Variants in BBX observed in about 807,000 individuals in gnomAD.
BBX encodes the protein HMG box transcription factor BBX.
In BBX, 30 loss-of-function variants were observed where a neutral mutation model predicts 100.2. The ratio of observed to expected loss-of-function variants is 0.30; its 90% confidence interval spans 0.22 to 0.41. The LOEUF is 0.41. Among genes scored for constraint, BBX ranks in the 10% least tolerant of loss-of-function variants. The pLI, the probability that BBX is intolerant of heterozygous loss-of-function variation, is 1.00. For synonymous variants in BBX, 376 were observed against 388.1 expected (o/e 0.97, Z 0.37); for missense variants, 1,023 against 1,129.8 (o/e 0.91, Z 1.35).
intron 3 of BBX, among the ~76,000 whole-genome samples, chr3:107,698,597 A>C (rs2108164689): frequency 6.6e-6 from 1 of 151,186 alleles, no homozygotes; most frequent in East Asian, 1.9e-4. Flanking sequence ...GGTTGCAGTG[A>C]GCCGAGATTG....
chr3:107,687,239 G>A (rs2059898807), intron 3 of BBX, among the ~76,000 whole-genome samples: 1 of 151,952 alleles, frequency 6.6e-6, no homozygotes, highest in Non-Finnish European at 1.5e-5. Context: ...AATAATGGAG[G>A]GCAGTTTGCA....
chr3:107,584,664 G>A (rs1186516185), intron 2 of BBX, among the ~76,000 whole-genome samples: 3 of 96,376 alleles, frequency 3.1e-5, no homozygotes, highest in Admixed American at 1.1e-4. Context: ...TGATTTTTCC[G>A]TTGAAATCTT....
At chr3:107,708,449 G>A (rs1022199240) in intron 3 of BBX, among the ~76,000 whole-genome samples, 4 of 152,154 alleles carry the variant, frequency 2.6e-5, no homozygotes, top group Admixed American at 2.0e-4. Context: ...GCTGAGGTGG[G>A]CAGATCACAA....
chr3:107,556,501 C>G (rs901011103), intron 2 of BBX, among the ~76,000 whole-genome samples: 1 of 152,072 alleles, frequency 6.6e-6, no homozygotes, highest in Non-Finnish European at 1.5e-5. Context: ...TTATAAGTAC[C>G]TGGTACCTTT....
chr3:107,627,710 T>C (rs1386229641), intron 2 of BBX, among the ~76,000 whole-genome samples: 4 of 152,066 alleles, frequency 2.6e-5, no homozygotes. Context: ...TCACTATTGA[T>C]AGTGATATAG....
chr3:107,552,623 A>T (rs1309079518), intron 2 of BBX, among the ~76,000 whole-genome samples: 4 of 152,198 alleles, frequency 2.6e-5, no homozygotes, highest in Non-Finnish European at 5.9e-5. Context: ...AAAGTGTGAA[A>T]TCAAGTGACT....
At chr3:107,646,020 T>C (rs1279284181) in intron 3 of BBX, 111 bp downstream of exon 3, 2 of 152,582 alleles carry the variant, frequency 1.3e-5, no homozygotes, top group African/African-American at 2.4e-5. Context: ...AGTGTGATCA[T>C]TGGATATTTT....
intron 10 of BBX, among the ~76,000 whole-genome samples, chr3:107,769,227 TAGAC>T (rs755263869): frequency 0.19 from 16,712 of 89,758 alleles, 1,446 homozygotes; most frequent in Admixed American, 0.24. Context: ...GATAGATAGA[TAGAC>T]AGATAGATAG....
At chr3:107,716,233 A>G (rs1473400181) in intron 4 of BBX, among the ~76,000 whole-genome samples, 2 of 152,198 alleles carry the variant, frequency 1.3e-5, no homozygotes, top group African/African-American at 2.4e-5. Context: ...TCATTCCACA[A>G]TTAATTAAGT....
At chr3:107,529,212 A>G (rs559601278) in intron 2 of BBX, among the ~76,000 whole-genome samples, 8 of 152,388 alleles carry the variant, frequency 5.2e-5, no homozygotes, top group African/African-American at 1.9e-4. Flanking sequence ...CCAACGTGGC[A>G]TACCTGTGCT....
At chr3:107,758,391 G>A (rs2065647847) in intron 10 of BBX, among the ~76,000 whole-genome samples, 1 of 152,150 alleles carries the variant, frequency 6.6e-6, no homozygotes, top group Admixed American at 6.6e-5. Context: ...AGTTTCCCAA[G>A]GGTCAAGTGG....
At chr3:107,746,191 T>A (rs544665799) in intron 8 of BBX, among the ~76,000 whole-genome samples, 77 of 152,306 alleles carry the variant, frequency 5.1e-4, no homozygotes, top group African/African-American at 1.7e-3. Context: ...ATTTGTGTAT[T>A]TCCCCTTATA....
chr3:107,690,891 C>CTT (rs1305340083), intron 3 of BBX, among the ~76,000 whole-genome samples: 6,783 of 72,128 alleles, frequency 0.094, 538 homozygotes, highest in South Asian at 0.2. Context: ...TGCCCCCCCC[C>CTT]CTTTTTTTTT....
chr3:107,613,915 C>A (rs2055040825), intron 2 of BBX, among the ~76,000 whole-genome samples: 1 of 138,868 alleles, frequency 7.2e-6, no homozygotes, highest in Non-Finnish European at 1.5e-5. Flanking sequence ...TGCTGTATAG[C>A]TGAAATTCAG....
chr3:107,581,699 T>C (rs975974333), intron 2 of BBX, among the ~76,000 whole-genome samples: 1 of 152,152 alleles, frequency 6.6e-6, no homozygotes, highest in Non-Finnish European at 1.5e-5. Flanking sequence ...GCTGTTTCTT[T>C]TACTTTGCAA....
At chr3:107,530,056 G>C (rs996241712) in intron 2 of BBX, among the ~76,000 whole-genome samples, 5 of 152,158 alleles carry the variant, frequency 3.3e-5, no homozygotes, top group Non-Finnish European at 7.3e-5. Context: ...CGAGAATCTA[G>C]ATAGTGAAAT....
chr3:107,768,174 C>T (rs1465813084), intron 10 of BBX, among the ~76,000 whole-genome samples: 2 of 152,124 alleles, frequency 1.3e-5, no homozygotes, highest in East Asian at 3.9e-4. Flanking sequence ...CTTAAATTCC[C>T]GCTGCTAGTT....
At chr3:107,646,713 A>G (rs1253056482) in intron 3 of BBX, among the ~76,000 whole-genome samples, 2 of 152,178 alleles carry the variant, frequency 1.3e-5, no homozygotes, top group Admixed American at 1.3e-4. Context: ...GAGCAAATAT[A>G]GTAAATATTA....
intron 2 of BBX, among the ~76,000 whole-genome samples, chr3:107,590,343 C>T (rs552520327): frequency 2.6e-5 from 4 of 152,026 alleles, no homozygotes; most frequent in East Asian, 1.9e-4. Flanking sequence ...ATCAGATCAG[C>T]GTAGTTGGGA....
Sources: gnomAD v4.1 joint callset for allele counts (sites outside exome capture counted in the v4.1 genomes callset) on GRCh38, gnomAD v4.1.1 for gene constraint, MANE v1.5 for transcripts, NCBI Gene and HGNC (gene_info 2026-07-23, HGNC 2026-07-21) for gene names.